Variants in SRPK1 observed in about 807,000 individuals in gnomAD.
The protein encoded by SRPK1 is SRSF protein kinase 1.
A neutral mutation model predicts 89.5 loss-of-function variants in SRPK1; 52 were observed. The observed-to-expected ratio is 0.58, with a 90% CI of 0.46 to 0.73. The LOEUF (loss-of-function observed/expected upper bound fraction) is 0.73, where lower values mean the gene tolerates loss of function less well. Ranked by LOEUF, SRPK1 falls within the 30% of genes least tolerant of loss-of-function variation. The pLI, the probability that SRPK1 is intolerant of heterozygous loss-of-function variation, is 0.00. For missense variants in SRPK1, 603 were observed against 780.6 expected (o/e 0.77, Z 2.71); for synonymous variants, 255 against 270.2 (o/e 0.94, Z 0.55).
rs1771227815 is a variant in SRPK1 at position 35,921,037 on chromosome 6, C to CG, written c.13+6dup. 1.9e-6 allele frequency: 3 copies of CG among 1,546,154 alleles called. No individual in the cohort carries two copies. In the East Asian group the frequency reaches 7.8e-5, roughly 40 times the overall value. On this transcript the variant is annotated splice_region_variant and intron_variant, in intron 1 of 15. Coordinates refer to ENST00000373825, the MANE Select transcript of SRPK1 (RefSeq NM_003137.5). The stretch of plus-strand genomic sequence containing the variant: ...CCCCTCGTGGCGGAGGCCGCTCCAC[C>CG]GCTCACCTTTCCGCTCCATGGTGAG...
intron 6 of SRPK1, among the ~76,000 whole-genome samples, chr6:35,886,335 C>T (rs926486981): frequency 6.6e-6 from 1 of 152,162 alleles, no homozygotes; most frequent in Non-Finnish European, 1.5e-5. Flanking sequence ...CTGCCTCGGC[C>T]TCCCAAAGTG....
In SRPK1 at chr6:35,857,295, T is replaced by G. The variant is rs772527528; in HGVS notation, c.1586A>C (p.Asn529Thr). The G allele has an allele frequency of 3.7e-6, 6 of 1,613,150 alleles. No homozygotes were observed. Among genetic ancestry groups the G allele is most frequent in the Non-Finnish European group, 5.1e-6 (6 of 1,179,636 alleles). ...CGTGCTCCAAATGTCAGCAGGGGTA[T>G]TATAGCCAGATCCGATTAGAACTTC... ...SLEVLIGSGY[N>T]TPADIWSTAC... Residue 529 changes from asparagine (N) to threonine (T), a missense_variant, in exon 13 of 16, where the codon AAT (asparagine) becomes ACT (threonine). Asn to Thr is a moderately conservative substitution (Grantham distance 65). Coordinates refer to ENST00000373825, the MANE Select transcript of SRPK1 (RefSeq NM_003137.5).
chr6:35,861,065 G>A (rs1332504846), intron 12 of SRPK1, among the ~76,000 whole-genome samples: 4 of 152,160 alleles, frequency 2.6e-5, no homozygotes, highest in Non-Finnish European at 4.4e-5. Flanking sequence ...ATTTAAAATG[G>A]CTGACTAGAC....
intron 15 of SRPK1, among the ~76,000 whole-genome samples, chr6:35,835,994 G>A (rs1280362705): frequency 6.6e-6 from 1 of 152,116 alleles, no homozygotes; most frequent in Non-Finnish European, 1.5e-5. Context: ...ATCCTACACA[G>A]TTTTCAGATA....
At chr6:35,877,030 A>G (rs1284260982) in intron 6 of SRPK1, among the ~76,000 whole-genome samples, 1 of 152,240 alleles carries the variant, frequency 6.6e-6, no homozygotes, top group East Asian at 1.9e-4. Context: ...AGCAAAGCAC[A>G]TGTGTGTGAG....
rs189111821 is a variant in SRPK1, at chr6:35,842,096, T to A, written c.1690+439A>T. 3.7e-3 allele frequency among the ~76,000 whole-genome samples: 557 copies of A among 152,318 alleles called. 5 individuals are homozygous for A. The Middle Eastern group carries it at 0.051, about 14-fold the overall frequency. The stretch of plus-strand genomic sequence containing the variant: ...TATATTCAGAAAAGGGAAAAAAGAA[T>A]GCTAAATTTTGGCAGAATTTATAGA... On this transcript the variant is annotated intron_variant, in intron 14 of 15. Coordinates refer to ENST00000373825, the MANE Select transcript of SRPK1 (RefSeq NM_003137.5).
Position 35,862,207 on chromosome 6 carries a change from C to A in SRPK1, c.1513-4839G>T, listed in dbSNP as rs1769796148. Among the ~76,000 whole-genome samples the A allele has an allele frequency of 6.6e-5, 10 of 152,184 alleles. 1 individual carries two copies. In the South Asian group the frequency reaches 2.1e-3, roughly 32 times the overall value. ...CTGAGAACCTGCCCATATACCCAGT[C>A]AGAGACCCAAGAATCACACCTCCAG... On this transcript the variant is annotated intron_variant, in intron 12 of 15. Coordinates refer to ENST00000373825, the MANE Select transcript of SRPK1 (RefSeq NM_003137.5).
At position 35,915,980 on chromosome 6, in the gene SRPK1, A is replaced by C. The variant is rs868651895; in HGVS notation, c.74+4488T>G. ...GAACGAGACTCTGTCTCAAAAACAA[A>C]AAAAAAAAAAAATATATACACACAC... On this transcript the variant is annotated intron_variant, in intron 2 of 15. Transcript: ENST00000373825. 6.3e-4 allele frequency among the ~76,000 whole-genome samples: 61 copies of C among 97,166 alleles called. 2 individuals carry two copies. Among genetic ancestry groups the C allele is most frequent in the East Asian group, 2.5e-3 (9 of 3,558 alleles). The allele number at this position is 97,166 out of a possible 152,430, so 63.7% of individuals were successfully genotyped here.
Position 35,888,058 on chromosome 6 carries a change from T to C in SRPK1, c.356A>G (p.Glu119Gly). 6.2e-7 allele frequency: 1 copy of C among 1,607,210 alleles called. No individual in the cohort carries two copies. The highest frequency in any genetic ancestry group is 8.5e-7 in the Non-Finnish European group (1 of 1,178,216). Reference sequence around the variant, plus strand: ...CAACCGGATTTCATCTAGTGCTGTTTCAGTGTAATGTTCAGCACTTTTAAC... The same window carrying C: ...CAACCGGATTTCATCTAGTGCTGTTCCAGTGTAATGTTCAGCACTTTTAAC... ...KVVKSAEHYT[E>G]TALDEIRLLK... Residue 119 changes from glutamate to glycine, a missense_variant, in exon 5 of 16, where the codon GAA becomes GGA. Transcript: ENST00000373825.
At chr6:35,886,282 G>A (rs1260444146) in intron 6 of SRPK1, among the ~76,000 whole-genome samples, 1 of 152,042 alleles carries the variant, frequency 6.6e-6, no homozygotes, top group East Asian at 1.9e-4. Context: ...GTTTCACCAT[G>A]TTCGCCAGGT....
At chr6:35,870,087 C>A (rs913579292) in intron 10 of SRPK1, among the ~76,000 whole-genome samples, 186 bp from the exon 11 acceptor site, 1 of 152,130 alleles carries the variant, frequency 6.6e-6, no homozygotes, top group African/African-American at 2.4e-5. Context: ...TAAATGAAAT[C>A]TATGTTCCAT....
intron 8 of SRPK1, among the ~76,000 whole-genome samples, chr6:35,871,454 AAC>A (rs1417581243): frequency 6.6e-6 from 1 of 152,220 alleles, no homozygotes; most frequent in East Asian, 1.9e-4. Context: ...GTTAACAAAA[AAC>A]ACATAATAAA....
intron 1 of SRPK1, 75 bp from the exon 2 acceptor site, chr6:35,920,603 A>C: frequency 1.5e-6 from 2 of 1,376,330 alleles, no homozygotes; most frequent in Non-Finnish European, 2.0e-6. Flanking sequence ...GAGACCCAGC[A>C]GGGGCGCCAG....
intron 13 of SRPK1, among the ~76,000 whole-genome samples, chr6:35,854,843 C>A (rs1769634314): frequency 6.6e-6 from 1 of 152,302 alleles, no homozygotes; most frequent in East Asian, 1.9e-4. Context: ...TTGGTGGCAT[C>A]TCTATCATTT....
chr6:35,886,462 T>A (rs753608823), intron 6 of SRPK1, among the ~76,000 whole-genome samples: 3 of 152,202 alleles, frequency 2.0e-5, no homozygotes, highest in African/African-American at 4.8e-5. Context: ...TACTTAGTGA[T>A]ACAACGCATT....
At chr6:35,880,151 G>T (rs575551671) in intron 6 of SRPK1, among the ~76,000 whole-genome samples, 2 of 149,862 alleles carry the variant, frequency 1.3e-5, no homozygotes, top group South Asian at 2.1e-4. Context: ...TAAACAAAAC[G>T]GAGATATTAA....
In SRPK1 at chr6:35,853,291, C is replaced by G. The variant is rs560484106; in HGVS notation, c.1620+3970G>C. Among the ~76,000 whole-genome samples, 204 of 151,790 alleles carry G rather than the reference C, an allele frequency of 1.3e-3. 3 individuals carry two copies. Among genetic ancestry groups the G allele is most frequent in the African/African-American group, 4.6e-3 (189 of 41,396 alleles). On this transcript the variant is annotated intron_variant, in intron 13 of 15. Coordinates refer to ENST00000373825, the MANE Select transcript of SRPK1 (RefSeq NM_003137.5). ...ATCCCTAAAAAACAAAATGAAACAA[C>G]AACAACAAAAAAAAGAAGTTAAAAA...
Position 35,835,235 on chromosome 6 carries a change from G to C in SRPK1, c.*69C>G. The C allele has an allele frequency of 7.4e-7, 1 of 1,347,614 alleles. No homozygotes were observed. Among genetic ancestry groups the C allele is most frequent in the South Asian group, 1.5e-5 (1 of 66,440 alleles). 83.5% of individuals were successfully genotyped at this position (1,347,614 alleles called of 1,614,324 possible). On this transcript the variant is annotated 3_prime_UTR_variant, in exon 16 of 16. Transcript: ENST00000373825. ...GAAGAGCTTCACCCTGAAAAGGGAA[G>C]AGGAAAATGCTTGAAGGGGAAGGGC...
intron 13 of SRPK1, among the ~76,000 whole-genome samples, chr6:35,853,043 C>A (rs1769588008): frequency 1.3e-5 from 2 of 152,092 alleles, no homozygotes; most frequent in South Asian, 4.1e-4. Flanking sequence ...AGTTTGAGAC[C>A]AGTCTGTGCA....
Sources: gnomAD v4.1 joint callset for allele counts (sites outside exome capture counted in the v4.1 genomes callset) on GRCh38, gnomAD v4.1.1 for gene constraint, MANE v1.5 for transcripts, NCBI Gene and HGNC (gene_info 2026-07-23, HGNC 2026-07-21) for gene names.